Variants in SLC24A2 observed in about 807,000 individuals in gnomAD.
SLC24A2 encodes solute carrier family 24 member 2.
A neutral mutation model predicts 62.0 loss-of-function variants in SLC24A2; 36 were observed. The ratio of observed to expected loss-of-function variants is 0.58; its 90% CI spans 0.44 to 0.77. The LOEUF is 0.77. SLC24A2 is among the 30% of genes least tolerant of loss of function. The pLI is 0.00. For synonymous variants in SLC24A2, 358 were observed against 294.0 expected (o/e 1.22, Z -2.23); for missense variants, 846 against 817.9 (o/e 1.03, Z -0.42).
At chr9:20,277,212 C>G in the SLC24A2 span, among the ~76,000 whole-genome samples, 2 of 152,144 alleles carry the variant, frequency 1.3e-5, no homozygotes, top group Non-Finnish European at 2.9e-5. Context: ...AAAGCAATGG[C>G]AACAAAAGCC....
At chr9:20,013,643 A>ATAGTTGAAT in the SLC24A2 span, among the ~76,000 whole-genome samples, 1 of 152,244 alleles carries the variant, frequency 6.6e-6, no homozygotes, top group South Asian at 2.1e-4. Flanking sequence ...ACGGAAGAAA[A>ATAGTTGAAT]TAGTTGAATA....
At chr9:19,758,550 CTAAGAA>C (rs1822216181) in intron 2 of SLC24A2, among the ~76,000 whole-genome samples, 1 of 152,202 alleles carries the variant, frequency 6.6e-6, no homozygotes, top group Non-Finnish European at 1.5e-5. Flanking sequence ...AAAAAACCCC[CTAAGAA>C]TTAGAATATA....
At chr9:19,612,836 A>T (rs1563997791) in intron 4 of SLC24A2, among the ~76,000 whole-genome samples, 1 of 152,146 alleles carries the variant, frequency 6.6e-6, no homozygotes, top group Non-Finnish European at 1.5e-5. Flanking sequence ...ACATACCAAG[A>T]CCCTGTTTCT....
the SLC24A2 span, among the ~76,000 whole-genome samples, chr9:19,851,874 T>A: frequency 6.6e-6 from 1 of 152,170 alleles, no homozygotes; most frequent in Non-Finnish European, 1.5e-5. Flanking sequence ...TCAAATGATA[T>A]TTCTGGTTCT....
chr9:20,079,629 T>C, the SLC24A2 span, among the ~76,000 whole-genome samples: 2 of 152,196 alleles, frequency 1.3e-5, no homozygotes, highest in Admixed American at 6.5e-5. Context: ...TACATATATC[T>C]TCATGTACTT....
the SLC24A2 span, among the ~76,000 whole-genome samples, chr9:19,982,728 A>G: frequency 6.6e-6 from 1 of 152,198 alleles, no homozygotes; most frequent in Non-Finnish European, 1.5e-5. Flanking sequence ...CAAAGACAAT[A>G]AAAGAAGAAA....
chr9:19,786,466 G>A lies in SLC24A2; in HGVS notation c.401C>T (p.Ala134Val), dbSNP rs767444353. 2.5e-5 allele frequency: 41 copies of A among 1,613,922 alleles called. 1 individual carries two copies. Among genetic ancestry groups the A allele is most frequent in the South Asian group, 4.4e-5 (4 of 91,084 alleles). ...CATTCCAATGACATGCAGAATGATCGCACCTTTTCTTCTCTCCTCAAGGGA... is the reference window on the plus strand; with the variant it reads ...CATTCCAATGACATGCAGAATGATCACACCTTTTCTTCTCTCCTCAAGGGA... ...IFSLEERRKG[A>V]IILHVIGMIY... The change falls in exon 2 of 11, where the codon GCG becomes GTG. Residue 134 changes from alanine (A) to valine (V), a missense_variant. Transcript: ENST00000341998. The surrounding 1 kb of genome is among the most constrained non-coding windows in gnomAD (Gnocchi z 5.0).
intron 4 of SLC24A2, among the ~76,000 whole-genome samples, chr9:19,611,965 G>T (rs1337320767): frequency 6.6e-6 from 1 of 152,140 alleles, no homozygotes; most frequent in East Asian, 1.9e-4. Flanking sequence ...CAGCAGGGCT[G>T]GCTCTGACAA....
chr9:20,085,101 T>C, the SLC24A2 span, among the ~76,000 whole-genome samples: 1 of 152,174 alleles, frequency 6.6e-6, no homozygotes, highest in African/African-American at 2.4e-5. Flanking sequence ...GCTCAAACAG[T>C]ACTCCCACCT....
the SLC24A2 span, among the ~76,000 whole-genome samples, chr9:20,168,161 G>T: frequency 6.6e-6 from 1 of 151,950 alleles, no homozygotes; most frequent in African/African-American, 2.4e-5. Flanking sequence ...ATGTCTATCA[G>T]ACCTAGATAG....
chr9:19,865,958 G>A, the SLC24A2 span, among the ~76,000 whole-genome samples: 2 of 152,110 alleles, frequency 1.3e-5, no homozygotes, highest in Non-Finnish European at 2.9e-5. Context: ...ATCTGACAAG[G>A]GAATAACGAG....
chr9:20,305,218 C>T, the SLC24A2 span, among the ~76,000 whole-genome samples: 1 of 151,514 alleles, frequency 6.6e-6, no homozygotes, highest in Non-Finnish European at 1.5e-5. Flanking sequence ...AGTGATTCTC[C>T]TGCCTCAGCC....
chr9:20,178,686 G>A, the SLC24A2 span, among the ~76,000 whole-genome samples: 4 of 152,214 alleles, frequency 2.6e-5, no homozygotes, highest in East Asian at 5.8e-4. Flanking sequence ...AGCTCACCTA[G>A]CCTGGCTGGC....
chr9:19,837,458 CAAAAAAAAAAAAAAAAAAAAAAAAA>C, the SLC24A2 span, among the ~76,000 whole-genome samples: 3 of 22,348 alleles, frequency 1.3e-4, no homozygotes, highest in African/African-American at 2.5e-4. Context: ...GACTCCGTCT[CAAAAAAAAAAAAAAAAAAAAAAAAA>C]AAAAAAAAAA....
chr9:19,867,832 C>T, the SLC24A2 span, among the ~76,000 whole-genome samples: 1 of 152,206 alleles, frequency 6.6e-6, no homozygotes, highest in South Asian at 2.1e-4. Context: ...CGGTCGAACC[C>T]GGGAGGCGGA....
At chr9:19,836,753 A>C in the SLC24A2 span, among the ~76,000 whole-genome samples, 1 of 152,192 alleles carries the variant, frequency 6.6e-6, no homozygotes, top group Admixed American at 6.5e-5. Flanking sequence ...CCTGATACCA[A>C]AGCCTGGCAG....
chr9:19,934,451 C>T, the SLC24A2 span, among the ~76,000 whole-genome samples: 141 of 152,242 alleles, frequency 9.3e-4, no homozygotes, highest in Non-Finnish European at 1.9e-3. The surrounding 1 kb of genome is among the most constrained non-coding windows in gnomAD (Gnocchi z 4.1). Flanking sequence ...GGCTCCCGCG[C>T]ACCACAAGGA....
At chr9:19,682,409 A>G (rs543845620) in intron 2 of SLC24A2, among the ~76,000 whole-genome samples, 1 of 152,282 alleles carries the variant, frequency 6.6e-6, no homozygotes, top group Non-Finnish European at 1.5e-5. Context: ...GGATAGTAGC[A>G]GGAATAAAGA....
At chr9:19,940,538 A>C in the SLC24A2 span, among the ~76,000 whole-genome samples, 4 of 152,066 alleles carry the variant, frequency 2.6e-5, no homozygotes, top group Non-Finnish European at 5.9e-5. Context: ...CCCAAATTCA[A>C]CCTTTTCTGA....
Sources: allele counts gnomAD v4.1 joint callset (sites outside exome capture counted in the v4.1 genomes callset), GRCh38; gene constraint gnomAD v4.1.1; non-coding constraint Gnocchi (gnomAD v3.1); transcripts MANE v1.5; gene names NCBI Gene and HGNC (gene_info 2026-07-23, HGNC 2026-07-21).